The following CNTN5 variants were observed in gnomAD, a reference collection of about 807,000 sequenced individuals.
CNTN5 encodes the protein contactin-5.
A neutral mutation model predicts 129.1 loss-of-function variants in CNTN5; 77 were observed. The ratio of observed to expected loss-of-function variants is 0.60; its 90% confidence interval spans 0.50 to 0.72. CNTN5 has a LOEUF of 0.72. Ranked by LOEUF, CNTN5 falls within the 30% of genes least tolerant of loss-of-function variation. The pLI is 0.00. For synonymous variants in CNTN5, 509 were observed against 465.6 expected (o/e 1.09, Z -1.20); for missense variants, 1,478 against 1,328.8 (o/e 1.11, Z -1.75).
chr11:99,630,763 C>G (rs1591388279), intron 3 of CNTN5, among the ~76,000 whole-genome samples: 1 of 152,084 alleles, frequency 6.6e-6, no homozygotes, highest in East Asian at 1.9e-4. Context: ...AGTCCTTGAC[C>G]AATCTCTTAA....
At chr11:99,683,333 T>G (rs1414766967) in intron 3 of CNTN5, among the ~76,000 whole-genome samples, 1 of 151,894 alleles carries the variant, frequency 6.6e-6, no homozygotes, top group Non-Finnish European at 1.5e-5. Context: ...AGGTAGGAAT[T>G]AAGTTTTATG....
intron 13 of CNTN5, among the ~76,000 whole-genome samples, chr11:100,107,334 T>C (rs982910855): frequency 2.0e-5 from 3 of 152,062 alleles, no homozygotes; most frequent in Non-Finnish European, 2.9e-5. Flanking sequence ...TTAAAAATAA[T>C]TTCTAACTTA....
At chr11:99,804,905 A>G (rs983000817) in intron 3 of CNTN5, among the ~76,000 whole-genome samples, 5 of 151,376 alleles carry the variant, frequency 3.3e-5, no homozygotes, top group Non-Finnish European at 7.4e-5. Context: ...TTACATTTTT[A>G]TAAAATATTC....
chr11:99,327,395 A>C (rs1438336270), intron 2 of CNTN5, among the ~76,000 whole-genome samples: 1 of 152,210 alleles, frequency 6.6e-6, no homozygotes, highest in East Asian at 1.9e-4. Flanking sequence ...ATTCAACAGA[A>C]GTCTAATTAA....
intron 3 of CNTN5, among the ~76,000 whole-genome samples, chr11:99,785,610 A>T (rs1945492395): frequency 1.3e-5 from 2 of 152,150 alleles, no homozygotes. Context: ...ATCACTAGCA[A>T]ACTGAATCTA....
At chr11:99,092,101 T>A (rs1180374537) in intron 1 of CNTN5, among the ~76,000 whole-genome samples, 1 of 152,140 alleles carries the variant, frequency 6.6e-6, no homozygotes, top group Admixed American at 6.5e-5. Context: ...AAAATGTGTT[T>A]TTTGTTGTTT....
chr11:99,845,105 A>C lies in CNTN5; in HGVS notation c.420A>C (p.Thr140=). ...TCCTAAGATGGCTTCGAAATGGAACAGAAATAGATCTGGAAAGTGATTATC... is the reference window on the plus strand; with the variant it reads ...TCCTAAGATGGCTTCGAAATGGAACCGAAATAGATCTGGAAAGTGATTATC... ...VPSYRWLRNG[T]EIDLESDYRY... The change falls in exon 6 of 25, where the codon ACA becomes ACC. Residue 140 remains threonine, a synonymous_variant. Coordinates refer to ENST00000524871, the MANE Select transcript of CNTN5 (RefSeq NM_014361.4). 1 of 1,613,604 alleles carries C rather than the reference A, an allele frequency of 6.2e-7. No homozygotes were observed.
At chr11:99,172,278 G>A (rs2135543486) in intron 1 of CNTN5, among the ~76,000 whole-genome samples, 1 of 152,260 alleles carries the variant, frequency 6.6e-6, no homozygotes, top group East Asian at 1.9e-4. Context: ...GATACTGTGT[G>A]AAAATGTTTG....
intron 6 of CNTN5, among the ~76,000 whole-genome samples, chr11:99,856,059 A>G (rs2135744003): frequency 6.6e-6 from 1 of 152,334 alleles, no homozygotes; most frequent in South Asian, 2.1e-4. Flanking sequence ...AGAGGATAAC[A>G]ATTCTTTCTA....
chr11:99,406,342 T>G (rs1218853167), intron 2 of CNTN5, among the ~76,000 whole-genome samples: 1 of 152,030 alleles, frequency 6.6e-6, no homozygotes, highest in Non-Finnish European at 1.5e-5. Flanking sequence ...CCAGAAGAAT[T>G]CTCTGGATTA....
chr11:99,769,389 A>G (rs1398373630), intron 3 of CNTN5, among the ~76,000 whole-genome samples: 2 of 152,172 alleles, frequency 1.3e-5, no homozygotes, highest in African/African-American at 4.8e-5. Context: ...GGGAATACAT[A>G]ATCTTAGTTA....
At chr11:99,784,894 G>T (rs1278646471) in intron 3 of CNTN5, among the ~76,000 whole-genome samples, 1 of 147,012 alleles carries the variant, frequency 6.8e-6, no homozygotes, top group African/African-American at 2.5e-5. Flanking sequence ...CCGCCTCCCA[G>T]GTTCACGCCA....
intron 10 of CNTN5, among the ~76,000 whole-genome samples, chr11:100,069,413 T>C (rs1943819187): frequency 6.6e-6 from 1 of 152,036 alleles, no homozygotes; most frequent in African/African-American, 2.4e-5. Flanking sequence ...CCTTGGCCTC[T>C]CAAATTCCTG....
chr11:99,819,616 C>T lies in CNTN5; in HGVS notation c.128C>T (p.Ser43Leu), dbSNP rs374794794. The T allele has an allele frequency of 1.6e-5, 26 of 1,612,912 alleles. No individual in the cohort carries two copies. In the African/African-American group the frequency reaches 2.9e-4, roughly 18 times the overall value. ...TTAAGAATTAAGAAGAGTTCATCTTCATCTCTCTTTGGTTCCAAAACCAGA... is the reference window on the plus strand; with the variant it reads ...TTAAGAATTAAGAAGAGTTCATCTTTATCTCTCTTTGGTTCCAAAACCAGA... ...ALLRIKKSSS[S>L]SLFGSKTRPR... The change falls in exon 4 of 25, where the codon TCA (serine) becomes TTA (leucine). Residue 43 changes from serine (S) to leucine (L), a missense_variant. By Grantham distance (145) the Ser-to-Leu change is moderately radical (BLOSUM62 -2). Transcript: ENST00000524871.
chr11:99,856,196 T>A (rs573782839), intron 6 of CNTN5, among the ~76,000 whole-genome samples: 1 of 152,294 alleles, frequency 6.6e-6, no homozygotes, highest in Non-Finnish European at 1.5e-5. Flanking sequence ...TAATTCAGTA[T>A]TTTGGGCAAT....
intron 3 of CNTN5, among the ~76,000 whole-genome samples, chr11:99,558,963 C>A (rs1407968222): frequency 1.3e-5 from 2 of 152,044 alleles, no homozygotes; most frequent in African/African-American, 4.8e-5. Flanking sequence ...TTGAAAGGAT[C>A]ATTTATCAAG....
Position 99,929,702 on chromosome 11 carries a change from G to A in CNTN5, c.673+13553G>A, listed in dbSNP as rs144074191. The stretch of plus-strand genomic sequence containing the variant: ...GAACAGCATGAGGGTAACTGCCCCC[G>A]TGATTAAATTATCCTCCACTGGTTC... On this transcript the variant is annotated intron_variant, in intron 7 of 24. Coordinates refer to ENST00000524871, the MANE Select transcript of CNTN5 (RefSeq NM_014361.4). Among the ~76,000 whole-genome samples the A allele has an allele frequency of 7.4e-4, 112 of 152,256 alleles. No homozygotes were observed. The East Asian group carries it at 0.019, about 26-fold the overall frequency.
chr11:99,726,781 G>T (rs1943354480), intron 3 of CNTN5, among the ~76,000 whole-genome samples: 1 of 152,064 alleles, frequency 6.6e-6, no homozygotes, highest in South Asian at 2.1e-4. Flanking sequence ...GATTCTTCCG[G>T]CAGGTCATAT....
In CNTN5 at chr11:99,094,723, G is replaced by A. The variant is rs190366863; in HGVS notation, c.-210+73453G>A. ...CCCTGAATAGTAAGGAAGAAAGTCC[G>A]GGGTAGGTGGTAAATTACAAGTATT... On this transcript the variant is annotated intron_variant, in intron 1 of 24. Transcript: ENST00000524871. 1.1e-4 allele frequency among the ~76,000 whole-genome samples: 17 copies of A among 151,982 alleles called. No individual in the cohort carries two copies. The South Asian group carries it at 1.5e-3, about 13-fold the overall frequency.
Sources: gnomAD v4.1 joint callset for allele counts (sites outside exome capture counted in the v4.1 genomes callset) on GRCh38, gnomAD v4.1.1 for gene constraint, MANE v1.5 for transcripts, NCBI Gene and HGNC (gene_info 2026-07-23, HGNC 2026-07-21) for gene names.